The following PBRM1 variants were observed in gnomAD, a reference collection of about 807,000 sequenced individuals.
The protein encoded by PBRM1 is protein polybromo-1.
Under a neutral mutation model 194.5 loss-of-function variants are expected in PBRM1, and 27 were observed. The observed-to-expected ratio is 0.14, with a 90% CI of 0.10 to 0.19. The LOEUF (loss-of-function observed/expected upper bound fraction) is 0.19. Ranked by LOEUF, PBRM1 falls within the 10% of genes least tolerant of loss-of-function variation. The pLI is 1.00. For synonymous variants in PBRM1, 655 were observed against 693.2 expected (o/e 0.94, Z 0.87); for missense variants, 1,466 against 2,077.2 (o/e 0.71, Z 5.72).
At chr3:52,592,835 C>G (rs749887059) in intron 17 of PBRM1, among the ~76,000 whole-genome samples, 1 of 152,160 alleles carries the variant, frequency 6.6e-6, no homozygotes, top group Non-Finnish European at 1.5e-5. Context: ...AATCTCAGAG[C>G]TTGTTATTGG....
intron 22 of PBRM1, among the ~76,000 whole-genome samples, chr3:52,570,826 T>C (rs1483679776): frequency 6.6e-6 from 1 of 152,084 alleles, no homozygotes; most frequent in Non-Finnish European, 1.5e-5. Context: ...AATTTTCTTA[T>C]AGTTGTGTGT....
intron 20 of PBRM1, among the ~76,000 whole-genome samples, chr3:52,584,450 C>CTTTTGTT: frequency 1.6e-5 from 1 of 60,750 alleles, no homozygotes. Context: ...AGTATTCTTG[C>CTTTTGTT]TTTTTTTTTT....
At chr3:52,624,839 T>G (rs760729840) in intron 13 of PBRM1, 58 bp downstream of exon 15, 1 of 1,148,286 alleles carries the variant, frequency 8.7e-7, no homozygotes, top group African/African-American at 1.5e-5. Context: ...TCAGTACTGA[T>G]CATGCCACAG....
At chr3:52,590,898 T>C (rs1268331578) in intron 17 of PBRM1, among the ~76,000 whole-genome samples, 1 of 152,252 alleles carries the variant, frequency 6.6e-6, no homozygotes, top group Non-Finnish European at 1.5e-5. Context: ...TCCATGAGCA[T>C]GGAATGTTTT....
chr3:52,586,666 T>C (rs2153776704), exon 20 of PBRM1: 1 of 1,609,342 alleles, frequency 6.2e-7, no homozygotes. Flanking sequence ...TCGGAAGTTT[T>C]CTGGGCATAA....
At chr3:52,679,525 G>A (rs777826534) in intron 1 of PBRM1, 49 bp downstream of exon 2, 3 of 1,540,170 alleles carry the variant, frequency 1.9e-6, no homozygotes, top group South Asian at 1.2e-5. Flanking sequence ...GGGAAGATAG[G>A]GGAATTGTGG....
chr3:52,656,779 T>G (rs1343987275), intron 5 of PBRM1, among the ~76,000 whole-genome samples: 1 of 151,156 alleles, frequency 6.6e-6, no homozygotes, highest in East Asian at 1.9e-4. Flanking sequence ...GTAAACAAAA[T>G]GTAGTAAGGC....
At chr3:52,663,552 T>C (rs1241786759) in intron 3 of PBRM1, among the ~76,000 whole-genome samples, 2 of 152,160 alleles carry the variant, frequency 1.3e-5, no homozygotes, top group Non-Finnish European at 2.9e-5. Context: ...AACTTCAATT[T>C]AATGCTCCAA....
intron 13 of PBRM1, among the ~76,000 whole-genome samples, chr3:52,626,255 C>G (rs1048969166): frequency 6.6e-6 from 1 of 152,108 alleles, no homozygotes; most frequent in African/African-American, 2.4e-5. Context: ...AATTCATAGG[C>G]CAGTAATGGA....
chr3:52,550,436 C>G (rs1335652201), exon 29 of PBRM1: 1 of 1,467,276 alleles, frequency 6.8e-7, no homozygotes, highest in Non-Finnish European at 9.1e-7. Flanking sequence ...AGTGTCTGAT[C>G]CCACTTGCTA....
chr3:52,651,331 G>A (rs1482900605), intron 6 of PBRM1, among the ~76,000 whole-genome samples: 2 of 151,972 alleles, frequency 1.3e-5, no homozygotes, highest in Non-Finnish European at 2.9e-5. Context: ...TTATTCTAAC[G>A]TATCCTAAAG....
chr3:52,622,480 A>G (rs1189799087), intron 13 of PBRM1, among the ~76,000 whole-genome samples: 1 of 152,266 alleles, frequency 6.6e-6, no homozygotes, highest in Non-Finnish European at 1.5e-5. Context: ...CAAAATAAGT[A>G]TATTACAACA....
intron 10 of PBRM1, among the ~76,000 whole-genome samples, chr3:52,641,465 A>AAAAAAAAAAAAAAG (rs1560665000): frequency 5.3e-5 from 7 of 131,278 alleles, no homozygotes; most frequent in African/African-American, 1.8e-4. Context: ...AAAAAAAAAG[A>AAAAAAAAAAAAAAG]AAAAAAAAAG....
chr3:52,586,225 C>T (rs2092369804), intron 20 of PBRM1, 200 bp downstream of exon 22: 1 of 499,264 alleles, frequency 2.0e-6, no homozygotes, highest in Non-Finnish European at 3.5e-6. Context: ...TGAACCAATG[C>T]ACTTGGCCTG....
intron 20 of PBRM1, among the ~76,000 whole-genome samples, chr3:52,582,221 G>A (rs1167044330): frequency 6.3e-5 from 8 of 126,342 alleles, no homozygotes; most frequent in Non-Finnish European, 1.1e-4. Flanking sequence ...CAGCCTGGGC[G>A]ACAGAGCGAG....
intron 14 of PBRM1, among the ~76,000 whole-genome samples, chr3:52,616,825 G>A (rs548964817): frequency 2.0e-5 from 3 of 152,278 alleles, no homozygotes; most frequent in African/African-American, 4.8e-5. Flanking sequence ...AAGTATGGTC[G>A]TTGAGGATCG....
At chr3:52,678,314 C>T (rs1034487434) in intron 2 of PBRM1, among the ~76,000 whole-genome samples, 186 bp downstream of exon 3, 3 of 152,076 alleles carry the variant, frequency 2.0e-5, no homozygotes, top group Non-Finnish European at 2.9e-5. Flanking sequence ...CTGTGCCTGG[C>T]TCAACAGATT....
chr3:52,583,056 C>A (rs1456006292), intron 20 of PBRM1, among the ~76,000 whole-genome samples: 2 of 121,426 alleles, frequency 1.6e-5, no homozygotes, highest in Non-Finnish European at 1.6e-5. Context: ...GAGATCACGC[C>A]AATGCACTCC....
At chr3:52,653,666 C>T (rs568620380) in intron 5 of PBRM1, among the ~76,000 whole-genome samples, 1 of 151,394 alleles carries the variant, frequency 6.6e-6, no homozygotes, top group African/African-American at 2.4e-5. Context: ...AATCCCTGCA[C>T]TTCGGGAGGC....
Sources: allele counts gnomAD v4.1 joint callset (sites outside exome capture counted in the v4.1 genomes callset), GRCh38; gene constraint gnomAD v4.1.1; transcripts MANE v1.5; gene names NCBI Gene and HGNC (gene_info 2026-07-23, HGNC 2026-07-21).